The following AGBL1 variants were observed in gnomAD, a reference collection of about 807,000 sequenced individuals.
AGBL1 encodes cytosolic carboxypeptidase 4.
A neutral mutation model predicts 118.9 loss-of-function variants in AGBL1; 130 were observed. The ratio of observed to expected loss-of-function variants is 1.09; its 90% confidence interval spans 0.95 to 1.26. AGBL1 has a LOEUF of 1.26. Among genes scored for constraint, AGBL1 ranks in the 50% most tolerant of loss-of-function variants. The pLI, the probability that AGBL1 is intolerant of heterozygous loss-of-function variation, is 0.00. For synonymous variants in AGBL1, 555 were observed against 478.9 expected, an observed-to-expected ratio of 1.16 and a Z score of -2.08; for missense variants, 1,584 against 1,298.1, an observed-to-expected ratio of 1.22 and a Z score of -3.38.
At chr15:86,799,321 G>GT (rs1464049400) in intron 22 of AGBL1, among the ~76,000 whole-genome samples, 7 of 152,064 alleles carry the variant, frequency 4.6e-5, no homozygotes, top group Admixed American at 3.9e-4. Flanking sequence ...TCTTCAGGCA[G>GT]TTTTTTTCTC....
intron 22 of AGBL1, among the ~76,000 whole-genome samples, chr15:86,850,203 C>A (rs959909464): frequency 1.4e-5 from 2 of 144,422 alleles, no homozygotes; most frequent in African/African-American, 5.3e-5. Flanking sequence ...AAGGGACAGT[C>A]ATTTTCAAGG....
At chr15:86,830,668 A>G (rs1256998973) in intron 22 of AGBL1, among the ~76,000 whole-genome samples, 2 of 152,156 alleles carry the variant, frequency 1.3e-5, no homozygotes, top group Admixed American at 6.5e-5. Context: ...ACGTAGCTCC[A>G]TTTATTTAAA....
chr15:86,658,175 A>G (rs1596343843), intron 21 of AGBL1, among the ~76,000 whole-genome samples: 1 of 152,112 alleles, frequency 6.6e-6, no homozygotes, highest in Non-Finnish European at 1.5e-5. Context: ...TTCTCGTAGC[A>G]TCCTGTAGTT....
chr15:86,206,071 G>A (rs2077987461), intron 5 of AGBL1, among the ~76,000 whole-genome samples: 1 of 151,890 alleles, frequency 6.6e-6, no homozygotes, highest in Non-Finnish European at 1.5e-5. Flanking sequence ...GTGAGAACAT[G>A]CAGTGTTTGG....
chr15:86,975,490 TGGGAATTGGGTA>T (rs2081167129), intron 23 of AGBL1, among the ~76,000 whole-genome samples: 1 of 152,194 alleles, frequency 6.6e-6, no homozygotes, highest in South Asian at 2.1e-4. Flanking sequence ...CAATTCAAGA[TGGGAATTGGGTA>T]GGGACACAGT....
chr15:86,561,788 A>C (rs1198262848), intron 21 of AGBL1, among the ~76,000 whole-genome samples: 1 of 152,226 alleles, frequency 6.6e-6, no homozygotes, highest in East Asian at 1.9e-4. Context: ...ATCCATGAGC[A>C]TGGAATGTTC....
chr15:86,778,673 G>C (rs2078291992), intron 22 of AGBL1, among the ~76,000 whole-genome samples: 1 of 152,144 alleles, frequency 6.6e-6, no homozygotes, highest in Non-Finnish European at 1.5e-5. Context: ...CTGTTATCGT[G>C]TTCTTTTTTC....
At position 86,437,526 on chromosome 15, in the gene AGBL1, A is replaced by AT. The variant is rs1266562801; in HGVS notation, c.2555+39988dup. Among the ~76,000 whole-genome samples the AT allele has an allele frequency of 4.6e-5, 7 of 151,644 alleles. No individual in the cohort carries two copies. The East Asian group carries it at 5.8e-4, about 13-fold the overall frequency. On this transcript the variant is annotated intron_variant, in intron 18 of 22. Coordinates refer to ENST00000614907, the MANE Select transcript of AGBL1 (RefSeq NM_001386094.1). ...CTACCTTATCCTGAACCTTCAATTCATTTTTTTTCCCAATATGCATGCAGT... is the reference window on the plus strand; with the variant it reads ...CTACCTTATCCTGAACCTTCAATTCATTTTTTTTTCCCAATATGCATGCAGT...
chr15:87,025,156 A>T (rs1262533083), intron 24 of AGBL1, among the ~76,000 whole-genome samples: 2 of 152,070 alleles, frequency 1.3e-5, no homozygotes, highest in Non-Finnish European at 2.9e-5. Context: ...AAAGAAATAA[A>T]GGGCATCCAA....
intron 9 of AGBL1, among the ~76,000 whole-genome samples, chr15:86,261,296 A>G (rs2078979080): frequency 6.6e-6 from 1 of 152,120 alleles, no homozygotes; most frequent in African/African-American, 2.4e-5. Flanking sequence ...ACCCTGGGCC[A>G]TGGCTGAGGT....
At chr15:86,244,336 C>T (rs942544225) in intron 6 of AGBL1, among the ~76,000 whole-genome samples, 4 of 152,140 alleles carry the variant, frequency 2.6e-5, no homozygotes, top group African/African-American at 9.7e-5. Context: ...AAAGCAGCGC[C>T]TTCCTCTCAG....
chr15:86,736,243 G>A (rs932765590), intron 22 of AGBL1, among the ~76,000 whole-genome samples: 1 of 152,014 alleles, frequency 6.6e-6, no homozygotes, highest in African/African-American at 2.4e-5. Flanking sequence ...AGCTGGGTGC[G>A]GTGGTGCATG....
At chr15:86,753,259 C>G (rs889070649) in intron 22 of AGBL1, among the ~76,000 whole-genome samples, 1 of 151,950 alleles carries the variant, frequency 6.6e-6, no homozygotes, top group Non-Finnish European at 1.5e-5. Context: ...GCTGTGTTAG[C>G]CAAGGACTCT....
At chr15:86,224,978 A>G (rs780045194) in intron 6 of AGBL1, 27 bp downstream of exon 6, 1 of 1,607,392 alleles carries the variant, frequency 6.2e-7, no homozygotes, top group South Asian at 1.1e-5. Flanking sequence ...AAGGGTGGCT[A>G]TTTCTCTCCA....
chr15:86,579,592 G>C (rs1349559059), intron 21 of AGBL1, among the ~76,000 whole-genome samples: 3 of 152,050 alleles, frequency 2.0e-5, no homozygotes, highest in Non-Finnish European at 2.9e-5. Context: ...GCAATGGTCA[G>C]AAAAAAAGAG....
intron 18 of AGBL1, among the ~76,000 whole-genome samples, chr15:86,435,708 G>C (rs2081993149): frequency 6.6e-6 from 1 of 152,118 alleles, no homozygotes; most frequent in South Asian, 2.1e-4. Context: ...TAAACTCCCA[G>C]GCTAGCCAGA....
chr15:86,967,915 G>A (rs1254808693), intron 23 of AGBL1, among the ~76,000 whole-genome samples: 1 of 152,050 alleles, frequency 6.6e-6, no homozygotes, highest in Non-Finnish European at 1.5e-5. Flanking sequence ...ATTACCTTGG[G>A]CAGTATGGCC....
At chr15:86,935,560 A>T (rs1354850805) in intron 23 of AGBL1, among the ~76,000 whole-genome samples, 1 of 152,180 alleles carries the variant, frequency 6.6e-6, no homozygotes, top group Non-Finnish European at 1.5e-5. Context: ...CTCTCTAAAA[A>T]CACTGGGAGC....
rs376478348 is a variant in AGBL1, at chr15:86,102,143, C to T, written c.51+22120C>T. ...GCAACCTCCGCCTCCCAGGTTCAAG[C>T]GATCCGCTCACCTCAGCCTCCTGAG... On this transcript the variant is annotated intron_variant, in intron 1 of 22. Transcript: ENST00000614907. 5.3e-5 allele frequency among the ~76,000 whole-genome samples: 8 copies of T among 151,892 alleles called. No homozygotes were observed. In the East Asian group the frequency reaches 5.8e-4, roughly 11 times the overall value.
Sources: gnomAD v4.1 joint callset for allele counts (sites outside exome capture counted in the v4.1 genomes callset) on GRCh38, gnomAD v4.1.1 for gene constraint, MANE v1.5 for transcripts, NCBI Gene and HGNC (gene_info 2026-07-23, HGNC 2026-07-21) for gene names.